The following KIAA1671 variants were observed in gnomAD, a reference collection of about 807,000 sequenced individuals.
KIAA1671 encodes KIAA1671.
KIAA1671 carries 52 observed loss-of-function variants against 131.2 expected under a neutral mutation model. The ratio of observed to expected loss-of-function variants is 0.40; its 90% CI spans 0.32 to 0.50. KIAA1671 has a LOEUF of 0.50. KIAA1671 is among the 20% of genes least tolerant of loss of function. The pLI is 0.73. For missense variants in KIAA1671, 2,360 were observed against 2,364.2 expected (o/e 1.00, Z 0.04); for synonymous variants, 1,003 against 961.6 (o/e 1.04, Z -0.80).
At chr22:25,173,792 T>C (rs1933929387) in intron 7 of KIAA1671, among the ~76,000 whole-genome samples, 1 of 152,232 alleles carries the variant, frequency 6.6e-6, no homozygotes, top group Non-Finnish European at 1.5e-5. Flanking sequence ...GTAATTAACA[T>C]GAAAAGTTAT....
In KIAA1671 at chr22:24,974,685, CTTTTTTTTTTTTT is replaced by C. The variant is rs34171375; in HGVS notation, c.-208+21925_-208+21937del. Among the ~76,000 whole-genome samples the C allele has an allele frequency of 6.9e-4, 56 of 81,274 alleles. 1 individual carries two copies. Among genetic ancestry groups the C allele is most frequent in the African/African-American group, 2.4e-3 (44 of 18,698 alleles). The allele number at this position is 81,274 out of a possible 152,430, so 53.3% of individuals were successfully genotyped here. ...AATTCACTTATCATCCAGCTCACCT[CTTTTTTTTTTTTT>C]TTTTTTTTTTTGAGACGGGTGTCTT... On this transcript the variant is annotated intron_variant, in intron 1 of 12. Transcript: ENST00000358431.
At chr22:25,189,624 G>A (rs1934601662) in intron 11 of KIAA1671, among the ~76,000 whole-genome samples, 1 of 152,180 alleles carries the variant, frequency 6.6e-6, no homozygotes, top group Non-Finnish European at 1.5e-5. Context: ...AATAGTGTCT[G>A]ACCAAATATC....
At chr22:24,963,678 C>T (rs1355331779) in intron 1 of KIAA1671, among the ~76,000 whole-genome samples, 2 of 152,060 alleles carry the variant, frequency 1.3e-5, no homozygotes, top group Non-Finnish European at 2.9e-5. Context: ...CGGTGGCTCA[C>T]ACCTGTAATC....
Position 25,029,090 on chromosome 22 carries a change from T to C in KIAA1671, c.1091T>C (p.Met364Thr), listed in dbSNP as rs1926123224. Residue 364 changes from methionine (M) to threonine (T), a missense_variant, in exon 3 of 13, where the codon ATG (methionine) becomes ACG (threonine). This residue lies in a region of KIAA1671 where 1,185 missense variants were observed against 1,126.2 expected (regional missense o/e 1.05). Coordinates refer to ENST00000358431, the MANE Select transcript of KIAA1671 (RefSeq NM_001145206.2). ...GAGAAGATGCTTTCGAAGCCGGAGA[T>C]GGGCAGCCCCAGAGCCCTGGTGGGG... ...RKEKMLSKPE[M>T]GSPRALVGGS... The C allele has an allele frequency of 6.7e-7, 1 of 1,492,640 alleles. No individual in the cohort carries two copies. Among genetic ancestry groups the C allele is most frequent in the African/African-American group, 1.4e-5 (1 of 71,214 alleles). The allele number at this position is 1,492,640 out of a possible 1,614,324, so 92.5% of individuals were successfully genotyped here. A position where few individuals can be genotyped will look rare whatever the true frequency, so the allele number is the denominator to read the frequency against.
chr22:24,994,737 C>T (rs5752038), intron 1 of KIAA1671, among the ~76,000 whole-genome samples: 97,937 of 151,976 alleles, frequency 0.64, 33,917 homozygotes, highest in African/African-American at 0.91. Flanking sequence ...TGCAGAAAGG[C>T]GACTCTTTAG....
intron 1 of KIAA1671, among the ~76,000 whole-genome samples, chr22:24,954,063 GC>G (rs1393580332): frequency 2.0e-5 from 3 of 152,020 alleles, no homozygotes; most frequent in African/African-American, 7.3e-5. Context: ...CCTTTCCCGT[GC>G]CCCATCCCCT....
Position 25,028,165 on chromosome 22 carries a change from A to C in KIAA1671, c.166A>C (p.Ser56Arg). The C allele has an allele frequency of 6.5e-7, 1 of 1,550,086 alleles. No individual in the cohort carries two copies. Among genetic ancestry groups the C allele is most frequent in the East Asian group, 2.4e-5 (1 of 40,872 alleles). Residue 56 changes from serine (S) to arginine (R), a missense_variant, in exon 3 of 13, where the codon AGC becomes CGC. By Grantham distance (110) the Ser-to-Arg change is moderately radical (BLOSUM62 -1). This residue lies in a region of KIAA1671 where 1,185 missense variants were observed against 1,126.2 expected (regional missense o/e 1.05). Transcript: ENST00000358431. ...RILEAKSPLR[S>R]PARLLPLPRL... ...CTTGGAAGCGAAGAGCCCCCTGCGGAGCCCGGCCCGGTTACTCCCTCTGCC... is the reference window on the plus strand; with the variant it reads ...CTTGGAAGCGAAGAGCCCCCTGCGGCGCCCGGCCCGGTTACTCCCTCTGCC...
chr22:24,984,513 C>G (rs1923412318), intron 1 of KIAA1671, among the ~76,000 whole-genome samples: 1 of 152,212 alleles, frequency 6.6e-6, no homozygotes, highest in South Asian at 2.1e-4. Context: ...AATGCATCAT[C>G]TGCCCAGTCA....
intron 6 of KIAA1671, among the ~76,000 whole-genome samples, chr22:25,169,080 C>G (rs1369537593): frequency 6.6e-6 from 1 of 152,084 alleles, no homozygotes; most frequent in East Asian, 1.9e-4. Flanking sequence ...CTGGGCCAGT[C>G]TTATGCCCTA....
chr22:24,963,501 G>T (rs904497922), intron 1 of KIAA1671, among the ~76,000 whole-genome samples: 1 of 151,950 alleles, frequency 6.6e-6, no homozygotes, highest in African/African-American at 2.4e-5. Flanking sequence ...GTTGCTTCCT[G>T]TGTGACCCTG....
chr22:25,118,730 C>T (rs1276110753), intron 6 of KIAA1671, among the ~76,000 whole-genome samples: 3 of 152,140 alleles, frequency 2.0e-5, no homozygotes, highest in Admixed American at 6.5e-5. Context: ...GACTTAGATG[C>T]CCAGTTTTCC....
In KIAA1671 at chr22:25,028,355, G is replaced by T. The variant is rs1031964062; in HGVS notation, c.356G>T (p.Gly119Val). Reference protein sequence around the residue: ...RMPGLVGQEVGSGEGPRTSSP... With the variant: ...RMPGLVGQEVVSGEGPRTSSP... The stretch of plus-strand genomic sequence containing the variant: ...CCCGGCTTGGTGGGGCAGGAGGTGG[G>T]CAGTGGGGAGGGCCCGAGGACGAGC... Residue 119 changes from glycine (G) to valine (V), a missense_variant, in exon 3 of 13, where the codon GGC (glycine) becomes GTC (valine). This residue lies in a region of KIAA1671 where 1,185 missense variants were observed against 1,126.2 expected (regional missense o/e 1.05). Transcript: ENST00000358431. The T allele has an allele frequency of 6.4e-7, 1 of 1,550,820 alleles. No homozygotes were observed.
intron 1 of KIAA1671, among the ~76,000 whole-genome samples, chr22:24,964,673 T>G (rs920015932): frequency 1.3e-5 from 2 of 152,172 alleles, no homozygotes; most frequent in Non-Finnish European, 2.9e-5. Context: ...TTCTTCCGCC[T>G]CAGCCTCCCA....
At chr22:24,996,323 G>A (rs746639410) in intron 1 of KIAA1671, among the ~76,000 whole-genome samples, 3 of 152,068 alleles carry the variant, frequency 2.0e-5, no homozygotes, top group Non-Finnish European at 4.4e-5. Flanking sequence ...AAAGTAAAGG[G>A]CATCGGGAAC....
chr22:25,141,181 C>T (rs1188013612), intron 6 of KIAA1671, among the ~76,000 whole-genome samples: 1 of 152,130 alleles, frequency 6.6e-6, no homozygotes, highest in Non-Finnish European at 1.5e-5. Context: ...GTAAATTCAC[C>T]CACATTTTAA....
chr22:25,030,578 G>C (rs1250239098), intron 3 of KIAA1671, among the ~76,000 whole-genome samples: 1 of 152,096 alleles, frequency 6.6e-6, no homozygotes, highest in Non-Finnish European at 1.5e-5. Context: ...GATATTCTTA[G>C]TCATTTGGTT....
chr22:25,005,143 A>C (rs1245353332), intron 1 of KIAA1671, among the ~76,000 whole-genome samples: 1 of 150,234 alleles, frequency 6.7e-6, no homozygotes, highest in Non-Finnish European at 1.5e-5. Context: ...AAGTCAAGCG[A>C]TCGAGACCAT....
At chr22:25,059,181 G>A (rs1201903949) in intron 6 of KIAA1671, 1 of 152,188 alleles carries the variant, frequency 6.6e-6, no homozygotes, top group African/African-American at 2.4e-5. Context: ...TTTTTTAAGT[G>A]AGGGGCCAGG....
intron 6 of KIAA1671, among the ~76,000 whole-genome samples, chr22:25,156,067 G>A (rs1933230429): frequency 8.0e-6 from 1 of 125,232 alleles, no homozygotes; most frequent in Non-Finnish European, 1.6e-5. Context: ...TGGCACCCAG[G>A]CTGGAGTGCA....
Sources: gnomAD v4.1 joint callset for allele counts (sites outside exome capture counted in the v4.1 genomes callset) on GRCh38, gnomAD v4.1.1 for gene constraint, gnomAD v4.1.1 regional missense constraint, MANE v1.5 for transcripts, NCBI Gene and HGNC (gene_info 2026-07-23, HGNC 2026-07-21) for gene names.